The following CADPS2 variants were observed in gnomAD, a reference collection of about 807,000 sequenced individuals.
The protein encoded by CADPS2 is calcium dependent secretion activator 2.
A neutral mutation model predicts 172.5 loss-of-function variants in CADPS2; 93 were observed. The observed-to-expected ratio is 0.54, with a 90% CI of 0.46 to 0.64. The LOEUF is 0.64. Ranked by LOEUF, CADPS2 falls within the 30% of genes least tolerant of loss-of-function variation. The probability of loss-of-function intolerance (pLI) is 0.00; values close to 1 mark genes in which losing one functional copy is unlikely to be tolerated. For missense variants in CADPS2, 1,420 were observed against 1,565.9 expected (o/e 0.91, Z 1.57); for synonymous variants, 546 against 555.2 (o/e 0.98, Z 0.23).
intron 2 of CADPS2, among the ~76,000 whole-genome samples, chr7:122,722,572 G>C (rs1232140569): frequency 6.7e-6 from 1 of 149,944 alleles, no homozygotes; most frequent in Non-Finnish European, 1.5e-5. Context: ...AACATTCCAT[G>C]CTCATTGATA....
At chr7:122,647,690 G>T (rs1447022648) in intron 3 of CADPS2, among the ~76,000 whole-genome samples, 1 of 152,090 alleles carries the variant, frequency 6.6e-6, no homozygotes, top group South Asian at 2.1e-4. Context: ...AAATATCACT[G>T]ATACTATTTT....
chr7:122,712,803 C>G (rs1385625547), intron 2 of CADPS2, among the ~76,000 whole-genome samples: 1 of 152,050 alleles, frequency 6.6e-6, no homozygotes, highest in African/African-American at 2.4e-5. Flanking sequence ...ATAGAAAGCA[C>G]CTTTTCGCTG....
chr7:122,871,440 G>A (rs369022148), intron 1 of CADPS2, among the ~76,000 whole-genome samples: 9 of 151,550 alleles, frequency 5.9e-5, no homozygotes, highest in African/African-American at 2.2e-4. Context: ...ACATGCATAT[G>A]TACATTTATA....
intron 4 of CADPS2, among the ~76,000 whole-genome samples, chr7:122,625,724 G>A (rs2076021893): frequency 6.6e-6 from 1 of 151,938 alleles, no homozygotes; most frequent in South Asian, 2.1e-4. Flanking sequence ...AGTGCCCACA[G>A]CCGTGGGAGC....
intron 20 of CADPS2, among the ~76,000 whole-genome samples, chr7:122,399,635 C>G (rs2045630228): frequency 1.5e-5 from 2 of 129,598 alleles, no homozygotes; most frequent in South Asian, 5.3e-4. Flanking sequence ...ATATCATGAT[C>G]GATAACTCTC....
chr7:122,523,680 T>C (rs2060988770), intron 8 of CADPS2, among the ~76,000 whole-genome samples: 1 of 152,168 alleles, frequency 6.6e-6, no homozygotes. Flanking sequence ...CCTCAATATA[T>C]TCTACCACAG....
chr7:122,561,147 A>G (rs2065710039), intron 7 of CADPS2, among the ~76,000 whole-genome samples: 1 of 152,198 alleles, frequency 6.6e-6, no homozygotes, highest in African/African-American at 2.4e-5. Flanking sequence ...TCTTTTGTAT[A>G]CTGAAAGATT....
At chr7:122,407,768 T>A in intron 19 of CADPS2, 72 bp from the exon 20 acceptor site, 3 of 1,350,500 alleles carry the variant, frequency 2.2e-6, no homozygotes, top group Non-Finnish European at 3.1e-6. Context: ...ACTGTGCCAG[T>A]TGAAAATATT....
chr7:122,450,300 C>T (rs2052890240), intron 15 of CADPS2, among the ~76,000 whole-genome samples: 1 of 151,928 alleles, frequency 6.6e-6, no homozygotes, highest in South Asian at 2.1e-4. Context: ...AGTTCCAAAT[C>T]ACATGCATGC....
intron 17 of CADPS2, chr7:122,427,143 T>TGTGTGTGTG (rs61097528): frequency 1.3e-5 from 2 of 151,614 alleles, no homozygotes; most frequent in Admixed American, 6.6e-5. Context: ...TGTGTGTGTG[T>TGTGTGTGTG]TTTAACTTTT....
At position 122,400,347 on chromosome 7, in the gene CADPS2, G is replaced by A. The variant is rs192596310; in HGVS notation, c.2747-6765C>T. Among the ~76,000 whole-genome samples the A allele has an allele frequency of 4.2e-3, 636 of 152,146 alleles. 1 individual carries two copies. The highest frequency in any genetic ancestry group is 0.012 in the South Asian group (60 of 4,814). On this transcript the variant is annotated intron_variant, in intron 20 of 29. Transcript: ENST00000449022. ...AGCTACTTGGGAGGCTGAGGCAGGA[G>A]AATTGCTTGAATCTGGGAGGCGGAG...
intron 14 of CADPS2, among the ~76,000 whole-genome samples, chr7:122,462,440 T>G (rs2054568836): frequency 6.6e-6 from 1 of 152,072 alleles, no homozygotes; most frequent in South Asian, 2.1e-4. Context: ...TTATAGAACA[T>G]GAGCCAAAAA....
At chr7:122,591,269 C>G (rs537798538) in intron 6 of CADPS2, among the ~76,000 whole-genome samples, 251 of 152,110 alleles carry the variant, frequency 1.7e-3, no homozygotes, top group African/African-American at 5.7e-3. Context: ...CTTAGGAATC[C>G]AACTTATAAG....
intron 13 of CADPS2, among the ~76,000 whole-genome samples, chr7:122,472,023 T>C (rs2056026485): frequency 6.6e-6 from 1 of 152,208 alleles, no homozygotes; most frequent in South Asian, 2.1e-4. Context: ...AACTTAAATA[T>C]CTGGGATATT....
intron 12 of CADPS2, among the ~76,000 whole-genome samples, chr7:122,477,002 GGAGAGGAGAGGAGAGGAGA>G (rs2056703635): frequency 2.4e-5 from 1 of 42,220 alleles, no homozygotes; most frequent in Admixed American, 2.7e-4. Context: ...GGAGGGGAGA[GGAGAGGAGAGGAGAGGAGA>G]GGAGAGGAGA....
At chr7:122,866,782 A>G (rs1337010007) in intron 1 of CADPS2, among the ~76,000 whole-genome samples, 1 of 152,232 alleles carries the variant, frequency 6.6e-6, no homozygotes, top group Non-Finnish European at 1.5e-5. Context: ...AGATGTTTTT[A>G]GAATCTTAAT....
chr7:122,803,027 T>TA (rs2139996362), intron 1 of CADPS2, among the ~76,000 whole-genome samples: 1 of 152,360 alleles, frequency 6.6e-6, no homozygotes, highest in Non-Finnish European at 1.5e-5. Context: ...ATGAATTATA[T>TA]TTAAAGGAAG....
At chr7:122,360,264 A>G (rs2039957354) in intron 27 of CADPS2, among the ~76,000 whole-genome samples, 1 of 152,188 alleles carries the variant, frequency 6.6e-6, no homozygotes, top group Non-Finnish European at 1.5e-5. Flanking sequence ...AGTCAGTTTC[A>G]TGATTTCTGC....
At chr7:122,723,630 A>G (rs1225580959) in intron 2 of CADPS2, among the ~76,000 whole-genome samples, 4 of 152,164 alleles carry the variant, frequency 2.6e-5, no homozygotes, top group Admixed American at 2.0e-4. Context: ...CGATTCCTCA[A>G]GGATCTAGAA....
Sources: allele counts gnomAD v4.1 joint callset (sites outside exome capture counted in the v4.1 genomes callset), GRCh38; gene constraint gnomAD v4.1.1; transcripts MANE v1.5; gene names NCBI Gene and HGNC (gene_info 2026-07-23, HGNC 2026-07-21).